ADGRB3: variants seen among roughly 807,000 people sequenced by gnomAD.
The protein encoded by ADGRB3 is brain-specific angiogenesis inhibitor 3.
Under a neutral mutation model 193.4 loss-of-function variants are expected in ADGRB3, and 37 were observed. That is an observed-to-expected ratio of 0.19 (90% CI 0.15 to 0.25). The LOEUF is 0.25. Ranked by LOEUF, ADGRB3 falls within the 10% of genes least tolerant of loss-of-function variation. ADGRB3 has a pLI of 1.00. For missense variants in ADGRB3, 1,637 were observed against 1,852.9 expected, an observed-to-expected ratio of 0.88 and a Z score of 2.14; for synonymous variants, 690 against 644.2, an observed-to-expected ratio of 1.07 and a Z score of -1.08.
chr6:68,908,969 C>G (rs568026690), intron 3 of ADGRB3, among the ~76,000 whole-genome samples: 3 of 152,044 alleles, frequency 2.0e-5, no homozygotes, highest in African/African-American at 7.2e-5. Flanking sequence ...CTCCTGAGAC[C>G]CCCTCTTTTT....
intron 3 of ADGRB3, among the ~76,000 whole-genome samples, chr6:68,743,582 T>C (rs180910566): frequency 1.3e-5 from 2 of 152,148 alleles, no homozygotes; most frequent in Non-Finnish European, 1.5e-5. Flanking sequence ...GGTAAAGTTG[T>C]TGGGTTACAC....
intron 1 of ADGRB3, among the ~76,000 whole-genome samples, chr6:68,636,326 T>C (rs528036552): frequency 6.6e-5 from 10 of 152,032 alleles, no homozygotes; most frequent in African/African-American, 2.4e-4. Flanking sequence ...GGTCTTCTAT[T>C]GGGGGGAAAA....
chr6:68,760,171 G>T (rs568813333), intron 3 of ADGRB3, among the ~76,000 whole-genome samples: 1 of 152,122 alleles, frequency 6.6e-6, no homozygotes, highest in East Asian at 1.9e-4. Flanking sequence ...TCACTTATTC[G>T]TTGCAAATGA....
At chr6:69,265,128 G>T (rs1343411420) in intron 20 of ADGRB3, among the ~76,000 whole-genome samples, 2 of 151,792 alleles carry the variant, frequency 1.3e-5, no homozygotes, top group East Asian at 1.9e-4. Context: ...CATCAGAATC[G>T]CCCATAGAGC....
At chr6:69,334,478 A>AT (rs1041703379) in intron 24 of ADGRB3, among the ~76,000 whole-genome samples, 3 of 152,158 alleles carry the variant, frequency 2.0e-5, no homozygotes, top group Admixed American at 2.0e-4. Context: ...CTGAGCGGGG[A>AT]TCACTTCTCT....
intron 3 of ADGRB3, among the ~76,000 whole-genome samples, chr6:68,786,076 G>C (rs1342639776): frequency 6.6e-6 from 1 of 151,426 alleles, no homozygotes; most frequent in Non-Finnish European, 1.5e-5. Flanking sequence ...TGAGTAGGTT[G>C]CAAAAATTTT....
chr6:68,686,291 C>T (rs146925690), intron 3 of ADGRB3, among the ~76,000 whole-genome samples: 14 of 152,262 alleles, frequency 9.2e-5, no homozygotes, highest in Admixed American at 8.5e-4. Flanking sequence ...TAAGCAGATA[C>T]GATTTTTCTT....
rs537493987 is a variant in ADGRB3, at chr6:68,907,531, T to A, written c.758-23028T>A. 3.0e-4 allele frequency among the ~76,000 whole-genome samples: 46 copies of A among 152,052 alleles called. No homozygotes were observed. The South Asian group carries it at 5.0e-3, about 16-fold the overall frequency. On this transcript the variant is annotated intron_variant, in intron 3 of 31. Coordinates refer to ENST00000370598, the MANE Select transcript of ADGRB3 (RefSeq NM_001704.3). ...AGAACTATGAGTTCGAGACATTTGT[T>A]ATTTTTTCTAATTTTTTTAGGGATT...
At chr6:69,262,045 G>C (rs1257786592) in intron 20 of ADGRB3, among the ~76,000 whole-genome samples, 1 of 151,962 alleles carries the variant, frequency 6.6e-6, no homozygotes, top group Non-Finnish European at 1.5e-5. Flanking sequence ...TTTTTGGAGA[G>C]AAAGGCATCT....
At chr6:69,385,552 G>A (rs1479684334) in intron 31 of ADGRB3, among the ~76,000 whole-genome samples, 1 of 152,022 alleles carries the variant, frequency 6.6e-6, no homozygotes, top group East Asian at 1.9e-4. Context: ...GGGAAGCTTC[G>A]TGCACTTTGG....
intron 6 of ADGRB3, among the ~76,000 whole-genome samples, chr6:68,954,225 T>G (rs149816669): frequency 1.5e-4 from 23 of 152,338 alleles, no homozygotes; most frequent in African/African-American, 5.1e-4. Context: ...AAACATTTAT[T>G]TATTTATTTA....
At chr6:68,677,574 G>A (rs1201765160) in intron 3 of ADGRB3, among the ~76,000 whole-genome samples, 3 of 135,480 alleles carry the variant, frequency 2.2e-5, no homozygotes, top group African/African-American at 8.3e-5. Flanking sequence ...CTGGAATGCA[G>A]TGGCATGATT....
intron 20 of ADGRB3, among the ~76,000 whole-genome samples, chr6:69,267,086 C>T (rs1349469305): frequency 6.6e-6 from 1 of 152,018 alleles, no homozygotes; most frequent in Non-Finnish European, 1.5e-5. Context: ...TAGCTTTCCC[C>T]AACTCTATTT....
intron 8 of ADGRB3, among the ~76,000 whole-genome samples, chr6:68,974,292 A>G (rs1282991932): frequency 6.6e-6 from 1 of 152,230 alleles, no homozygotes; most frequent in African/African-American, 2.4e-5. Context: ...CTTTGTAGAT[A>G]CTAAAAGGAA....
intron 3 of ADGRB3, among the ~76,000 whole-genome samples, chr6:68,792,691 C>G (rs368561127): frequency 1.6e-4 from 24 of 152,162 alleles, no homozygotes; most frequent in East Asian, 5.8e-4. Flanking sequence ...TTTGTAAAAA[C>G]CAGTTGTTTT....
intron 17 of ADGRB3, among the ~76,000 whole-genome samples, chr6:69,189,685 G>C (rs1206660413): frequency 6.6e-6 from 1 of 152,164 alleles, no homozygotes; most frequent in Non-Finnish European, 1.5e-5. Flanking sequence ...CTGCTAAAAT[G>C]AGTCAGCAGT....
intron 17 of ADGRB3, among the ~76,000 whole-genome samples, chr6:69,203,586 A>C (rs2175577): frequency 0.14 from 21,735 of 152,036 alleles, 1,598 homozygotes; most frequent in Admixed American, 0.16. Flanking sequence ...AGACAAAGGC[A>C]AGTCTTGAAA....
intron 17 of ADGRB3, among the ~76,000 whole-genome samples, chr6:69,229,201 G>A (rs1030244085): frequency 5.9e-5 from 9 of 152,140 alleles, no homozygotes; most frequent in Admixed American, 2.0e-4. Flanking sequence ...AATTAACGTC[G>A]AAGAGTGTTC....
chr6:69,304,326 A>AT (rs1768017706), intron 20 of ADGRB3, among the ~76,000 whole-genome samples: 1 of 151,690 alleles, frequency 6.6e-6, no homozygotes, highest in Non-Finnish European at 1.5e-5. Context: ...TAACATCCAT[A>AT]TGACCTGAAT....
Sources: allele counts gnomAD v4.1 joint callset (sites outside exome capture counted in the v4.1 genomes callset), GRCh38; gene constraint gnomAD v4.1.1; transcripts MANE v1.5; gene names NCBI Gene and HGNC (gene_info 2026-07-23, HGNC 2026-07-21).